The following MAGI1 variants were observed in gnomAD, a reference collection of about 807,000 sequenced individuals.
MAGI1 encodes membrane associated guanylate kinase, WW and PDZ domain containing 1.
Under a neutral mutation model 139.9 loss-of-function variants are expected in MAGI1, and 58 were observed. The observed-to-expected ratio is 0.41, with a 90% CI of 0.34 to 0.52. The LOEUF (loss-of-function observed/expected upper bound fraction) is 0.52, where lower values mean the gene tolerates loss of function less well. Ranked by LOEUF, MAGI1 falls within the 20% of genes least tolerant of loss-of-function variation. MAGI1 has a pLI of 0.12. For synonymous variants in MAGI1, 812 were observed against 737.9 expected, an observed-to-expected ratio of 1.10 and a Z score of -1.63; for missense variants, 1,874 against 1,901.6, an observed-to-expected ratio of 0.99 and a Z score of 0.27.
intron 1 of MAGI1, among the ~76,000 whole-genome samples, chr3:66,006,160 T>G (rs2067002241): frequency 6.6e-6 from 1 of 152,216 alleles, no homozygotes; most frequent in Non-Finnish European, 1.5e-5. Flanking sequence ...TATTGTCTAT[T>G]GCTCATGAGG....
chr3:65,969,060 A>G (rs2064893593), intron 1 of MAGI1, among the ~76,000 whole-genome samples: 1 of 152,240 alleles, frequency 6.6e-6, no homozygotes, highest in Non-Finnish European at 1.5e-5. Context: ...AGCTCAGAGT[A>G]ATTCAAGCGA....
chr3:65,774,204 C>A (rs190484178), intron 1 of MAGI1, among the ~76,000 whole-genome samples: 1 of 151,918 alleles, frequency 6.6e-6, no homozygotes, highest in African/African-American at 2.4e-5. Flanking sequence ...CATATAATTC[C>A]GGCTAAACCA....
rs1456144593 is a variant in MAGI1, at chr3:65,359,068, G to A, written c.3635-1936C>T. ...AGTATTGATTGAGCTACAAACCGTAGTTTGATTATGGCCCATAAGGTAGAA... is the reference window on the plus strand; with the variant it reads ...AGTATTGATTGAGCTACAAACCGTAATTTGATTATGGCCCATAAGGTAGAA... On this transcript the variant is annotated intron_variant, in intron 22 of 22. Coordinates refer to ENST00000402939, the MANE Select transcript of MAGI1 (RefSeq NM_001033057.2). The A allele has an allele frequency of 1.9e-6, 3 of 1,613,836 alleles. No individual in the cohort carries two copies. In the East Asian group the frequency reaches 6.7e-5, roughly 36 times the overall value.
intron 12 of MAGI1, among the ~76,000 whole-genome samples, chr3:65,411,783 T>C (rs1012823268): frequency 6.6e-6 from 1 of 152,104 alleles, no homozygotes; most frequent in Non-Finnish European, 1.5e-5. Flanking sequence ...CCCAGAATAA[T>C]ATCCGGGCTT....
At chr3:65,441,910 C>T (rs1464306462) in intron 8 of MAGI1, among the ~76,000 whole-genome samples, 1 of 152,096 alleles carries the variant, frequency 6.6e-6, no homozygotes, top group East Asian at 1.9e-4. Flanking sequence ...GGGTATTATA[C>T]AAATGACTTT....
At chr3:65,932,621 C>T (rs192215725) in intron 1 of MAGI1, among the ~76,000 whole-genome samples, 3 of 152,310 alleles carry the variant, frequency 2.0e-5, no homozygotes, top group Admixed American at 2.0e-4. Context: ...CTATGAAATT[C>T]TCTCTTTCCA....
At chr3:65,895,515 CTT>C in intron 1 of MAGI1, among the ~76,000 whole-genome samples, 2 of 152,324 alleles carry the variant, frequency 1.3e-5, no homozygotes, top group South Asian at 4.1e-4. Context: ...TAGACACTAC[CTT>C]TGTCTTCAAA....
At chr3:65,743,296 A>T (rs1204499039) in intron 1 of MAGI1, among the ~76,000 whole-genome samples, 1 of 152,248 alleles carries the variant, frequency 6.6e-6, no homozygotes, top group Non-Finnish European at 1.5e-5. Flanking sequence ...CTATAAAATC[A>T]GGATATAGTC....
intron 18 of MAGI1, among the ~76,000 whole-genome samples, chr3:65,365,673 C>A (rs1407462694): frequency 6.6e-6 from 1 of 152,122 alleles, no homozygotes; most frequent in Non-Finnish European, 1.5e-5. Context: ...CATTTTCTAA[C>A]AAAGAAAATG....
chr3:65,395,813 C>A (rs1944349607), intron 13 of MAGI1, among the ~76,000 whole-genome samples: 1 of 151,494 alleles, frequency 6.6e-6, no homozygotes, highest in Non-Finnish European at 1.5e-5. Context: ...GAGGGGGAAT[C>A]CATTAATGAA....
intron 2 of MAGI1, among the ~76,000 whole-genome samples, chr3:65,600,047 A>G (rs1314539852): frequency 6.6e-6 from 1 of 152,244 alleles, no homozygotes; most frequent in African/African-American, 2.4e-5. Context: ...CCTCTCAATC[A>G]TTATTTTTAA....
chr3:65,818,823 C>T (rs975149923), intron 1 of MAGI1, among the ~76,000 whole-genome samples: 2 of 152,084 alleles, frequency 1.3e-5, no homozygotes, highest in East Asian at 1.9e-4. Context: ...AAGACTGGAG[C>T]GTGCAGGAAG....
At chr3:65,377,563 A>G (rs1942649961) in intron 17 of MAGI1, among the ~76,000 whole-genome samples, 1 of 152,380 alleles carries the variant, frequency 6.6e-6, no homozygotes, top group Non-Finnish European at 1.5e-5. Flanking sequence ...CAATTCTGAA[A>G]TAGTTAGGAA....
intron 1 of MAGI1, chr3:65,914,226 A>C (rs1338125975): frequency 6.6e-6 from 1 of 152,216 alleles, no homozygotes; most frequent in Non-Finnish European, 1.5e-5. Context: ...GGGGACTTCT[A>C]CCAACAGAGG....
At chr3:65,380,663 T>C (rs1942970124) in intron 16 of MAGI1, 1 of 152,172 alleles carries the variant, frequency 6.6e-6, no homozygotes. Context: ...ACACGCCTTT[T>C]ACACAGAGCT....
At chr3:65,606,715 AC>A (rs1302809709) in intron 2 of MAGI1, among the ~76,000 whole-genome samples, 3 of 152,094 alleles carry the variant, frequency 2.0e-5, no homozygotes, top group Non-Finnish European at 4.4e-5. Context: ...ATGGGGTTTC[AC>A]CATGTTGGCT....
chr3:65,515,123 C>T (rs1185379571), intron 2 of MAGI1, among the ~76,000 whole-genome samples: 1 of 120,914 alleles, frequency 8.3e-6, no homozygotes, highest in Non-Finnish European at 1.6e-5. Context: ...ATCACATGGA[C>T]ACAGGAAGGG....
chr3:65,612,061 A>G (rs1472568735), intron 2 of MAGI1, among the ~76,000 whole-genome samples: 2 of 152,092 alleles, frequency 1.3e-5, no homozygotes, highest in Non-Finnish European at 2.9e-5. Context: ...AATGAACACG[A>G]TCTATCAACA....
intron 1 of MAGI1, among the ~76,000 whole-genome samples, chr3:65,781,947 A>G (rs903940367): frequency 6.6e-6 from 1 of 152,220 alleles, no homozygotes; most frequent in Non-Finnish European, 1.5e-5. Flanking sequence ...ACTCGCTGGT[A>G]AACAGAGGGG....
Sources: gnomAD v4.1 joint callset for allele counts (sites outside exome capture counted in the v4.1 genomes callset) on GRCh38, gnomAD v4.1.1 for gene constraint, MANE v1.5 for transcripts, NCBI Gene and HGNC (gene_info 2026-07-23, HGNC 2026-07-21) for gene names.